Variants in UGT2B7 observed in about 807,000 individuals in gnomAD.
The protein encoded by UGT2B7 is UDP-glucuronosyltransferase 2B7.
Under a neutral mutation model 51.9 loss-of-function variants are expected in UGT2B7, and 51 were observed. The observed-to-expected ratio is 0.98, with a 90% CI of 0.78 to 1.24. UGT2B7 has a LOEUF of 1.24. UGT2B7 is among the 50% of genes most tolerant of loss of function. UGT2B7 has a pLI of 0.00. For missense variants in UGT2B7, 727 were observed against 628.4 expected, an observed-to-expected ratio of 1.16 and a Z score of -1.68; for synonymous variants, 225 against 211.6, an observed-to-expected ratio of 1.06 and a Z score of -0.55.
At chr4:69,058,895 G>A (rs1291538412) in intron 1 of UGT2B7, among the ~76,000 whole-genome samples, 1 of 151,804 alleles carries the variant, frequency 6.6e-6, no homozygotes, top group Non-Finnish European at 1.5e-5. Flanking sequence ...AAGCCAGTAT[G>A]GACAGGGATT....
intron 1 of UGT2B7, among the ~76,000 whole-genome samples, chr4:69,097,973 T>C (rs1719296453): frequency 6.6e-6 from 1 of 152,038 alleles, no homozygotes; most frequent in South Asian, 2.1e-4. Flanking sequence ...AGCTATAATG[T>C]ACAAATATAT....
intron 1 of UGT2B7, among the ~76,000 whole-genome samples, chr4:69,079,905 T>C (rs185126089): frequency 1.3e-5 from 2 of 152,140 alleles, no homozygotes; most frequent in Non-Finnish European, 2.9e-5. Flanking sequence ...AATCCTAGCA[T>C]TCCTGAGTTT....
intron 1 of UGT2B7, among the ~76,000 whole-genome samples, chr4:69,064,112 A>AAGAAAGAG (rs754723956): frequency 8.1e-5 from 7 of 86,828 alleles, no homozygotes; most frequent in African/African-American, 1.8e-4. Flanking sequence ...GAAAGAAAGA[A>AAGAAAGAG]AAAGAAAGAA....
At chr4:69,111,893 C>T (rs570930870) in intron 5 of UGT2B7, among the ~76,000 whole-genome samples, 2 of 152,266 alleles carry the variant, frequency 1.3e-5, no homozygotes, top group South Asian at 2.1e-4. Flanking sequence ...AATTCTTTGA[C>T]ATTTATTTTG....
Position 69,096,982 on chromosome 4 carries a change from TC to T in UGT2B7, c.465del (p.Cys156ValfsTer46). ...FDVIFADAIFPCSELLAELFN... is the reference protein window; with the variant it reads ...FDVIFADAIFXCSELLAELFN... Reference sequence around the variant, plus strand: ...ACGTCATTTTTGCAGATGCTATTTTTCCCTGTAGTGAGCTGCTGGCTGAGCT... The same window carrying T: ...ACGTCATTTTTGCAGATGCTATTTTTCCTGTAGTGAGCTGCTGGCTGAGCT... On this transcript the variant is annotated frameshift_variant, in exon 1 of 6. Transcript: ENST00000305231. LOFTEE classifies it high-confidence loss of function. 1 of 1,613,794 alleles carries T rather than the reference TC, an allele frequency of 6.2e-7. No individual in the cohort carries two copies. Among genetic ancestry groups the T allele is most frequent in the Non-Finnish European group, 8.5e-7 (1 of 1,179,816 alleles).
chr4:69,060,348 G>A (rs1718317291), intron 1 of UGT2B7, among the ~76,000 whole-genome samples: 2 of 152,174 alleles, frequency 1.3e-5, no homozygotes, highest in Admixed American at 6.5e-5. Flanking sequence ...CCGGTGACAA[G>A]AGAGTTCCTA....
Position 69,102,900 on chromosome 4 carries a change from A to C in UGT2B7, c.964A>C (p.Asn322His). Reference protein sequence around the residue: ...MVSNMTEERANVIASALAQIP... With the variant: ...MVSNMTEERAHVIASALAQIP... Reference sequence around the variant, plus strand: ...CAGTAACATGACAGAAGAAAGGGCCAACGTAATTGCATCAGCCCTGGCCCA... The same window carrying C: ...CAGTAACATGACAGAAGAAAGGGCCCACGTAATTGCATCAGCCCTGGCCCA... Residue 322 changes from asparagine (N) to histidine (H), a missense_variant, in exon 3 of 6, where the codon AAC becomes CAC. Coordinates refer to ENST00000305231, the MANE Select transcript of UGT2B7 (RefSeq NM_001074.4). 6.2e-7 allele frequency: 1 copy of C among 1,613,634 alleles called. No individual in the cohort carries two copies. Among genetic ancestry groups the C allele is most frequent in the Non-Finnish European group, 8.5e-7 (1 of 1,179,692 alleles).
At chr4:69,099,643 G>A (rs1343710223) in intron 2 of UGT2B7, among the ~76,000 whole-genome samples, 2 of 151,942 alleles carry the variant, frequency 1.3e-5, no homozygotes, top group Non-Finnish European at 2.9e-5. Flanking sequence ...ACTTCATATT[G>A]TGTTGAGTGG....
intron 1 of UGT2B7, among the ~76,000 whole-genome samples, chr4:69,078,585 C>T (rs528422171): frequency 2.6e-5 from 4 of 152,096 alleles, no homozygotes; most frequent in Non-Finnish European, 5.9e-5. Flanking sequence ...TAGAGGAGCC[C>T]CTTCTGATTA....
intron 1 of UGT2B7, among the ~76,000 whole-genome samples, chr4:69,055,509 AAAG>A (rs1326929171): frequency 1.3e-5 from 2 of 152,314 alleles, no homozygotes; most frequent in African/African-American, 4.8e-5. Context: ...CATCCTAATA[AAAG>A]AAGAAGTTCA....
At chr4:69,071,666 C>A (rs918369943) in intron 1 of UGT2B7, among the ~76,000 whole-genome samples, 1 of 151,828 alleles carries the variant, frequency 6.6e-6, no homozygotes, top group Non-Finnish European at 1.5e-5. Context: ...AATATTGTAG[C>A]AATAATTGAT....
At chr4:69,098,305 A>G (rs530528831) in intron 1 of UGT2B7, among the ~76,000 whole-genome samples, 9 of 152,196 alleles carry the variant, frequency 5.9e-5, no homozygotes, top group Admixed American at 3.9e-4. Flanking sequence ...ATGCGACATT[A>G]GAGATGTAGC....
At chr4:69,079,593 T>G (rs1452724058) in intron 1 of UGT2B7, among the ~76,000 whole-genome samples, 2 of 152,162 alleles carry the variant, frequency 1.3e-5, no homozygotes, top group Non-Finnish European at 2.9e-5. Context: ...TATATTTTCA[T>G]ACCTGAATTT....
intron 1 of UGT2B7, among the ~76,000 whole-genome samples, chr4:69,069,251 T>C (rs1398943155): frequency 6.6e-6 from 1 of 152,126 alleles, no homozygotes; most frequent in East Asian, 1.9e-4. Flanking sequence ...CCCTGACATG[T>C]ACCTGACCTT....
At chr4:69,089,937 C>T (rs1449102671) in intron 2 of UGT2B7, among the ~76,000 whole-genome samples, 1 of 152,086 alleles carries the variant, frequency 6.6e-6, no homozygotes. Context: ...CTGAAGTGTA[C>T]TAACTCCAAG....
chr4:69,098,334 T>G (rs990232952), intron 1 of UGT2B7, among the ~76,000 whole-genome samples: 3 of 152,064 alleles, frequency 2.0e-5, no homozygotes, highest in African/African-American at 7.2e-5. Context: ...ACAATTCTCC[T>G]ACTACTTTGT....
chr4:69,101,109 A>T (rs1187636762), intron 2 of UGT2B7, among the ~76,000 whole-genome samples: 1 of 152,052 alleles, frequency 6.6e-6, no homozygotes, highest in Non-Finnish European at 1.5e-5. Context: ...TTATCAATGA[A>T]ATATTCAACT....
chr4:69,068,642 T>A (rs1049252274), intron 1 of UGT2B7, among the ~76,000 whole-genome samples: 1 of 151,912 alleles, frequency 6.6e-6, no homozygotes, highest in Non-Finnish European at 1.5e-5. Flanking sequence ...TGGTTATTTG[T>A]GTTATGTAAC....
intron 1 of UGT2B7, among the ~76,000 whole-genome samples, chr4:69,063,284 A>C (rs1214530932): frequency 7.6e-6 from 1 of 131,494 alleles, no homozygotes; most frequent in Non-Finnish European, 1.5e-5. Context: ...GTGCCACTGT[A>C]CTCCAGCCTG....
Sources: allele counts gnomAD v4.1 joint callset (sites outside exome capture counted in the v4.1 genomes callset), GRCh38; gene constraint gnomAD v4.1.1; transcripts MANE v1.5; gene names NCBI Gene and HGNC (gene_info 2026-07-23, HGNC 2026-07-21).